The following MNX1 variants were observed in gnomAD, a reference collection of about 807,000 sequenced individuals.
MNX1 encodes motor neuron and pancreas homeobox 1, also known as motor neuron and pancreas homeobox protein 1.
In MNX1, 2 loss-of-function variants were observed where a neutral mutation model predicts 17.3. The ratio of observed to expected loss-of-function variants is 0.12; its 90% CI spans 0.05 to 0.36. MNX1 has a LOEUF of 0.36. Among genes scored for constraint, MNX1 ranks in the 10% least tolerant of loss-of-function variants. The probability of loss-of-function intolerance (pLI) is 1.00; values close to 1 mark genes in which losing one functional copy is unlikely to be tolerated. For synonymous variants in MNX1, 306 were observed against 283.1 expected, an observed-to-expected ratio of 1.08 and a Z score of -0.81; for missense variants, 556 against 564.7, an observed-to-expected ratio of 0.98 and a Z score of 0.16.
rs1805609093 is a variant in MNX1 at position 157,006,807 on chromosome 7, T to C, written c.692-168A>G. On this transcript the variant is annotated intron_variant, in intron 1 of 2. Coordinates refer to ENST00000252971, the MANE Select transcript of MNX1 (RefSeq NM_005515.4). The surrounding 1 kb of genome is among the most constrained non-coding windows in gnomAD (Gnocchi z 6.3). ...TGCCCACTCCCCAAGGAATGCGGAC[T>C]CAGGACCACCAAGTGGAAATGGATA... is the stretch of plus-strand genomic sequence containing the variant. 4.7e-6 allele frequency: 3 copies of C among 637,546 alleles called. No individual in the cohort carries two copies. Among genetic ancestry groups the C allele is most frequent in the Non-Finnish European group, 7.7e-6 (3 of 387,848 alleles). The allele number at this position is 637,546 out of a possible 1,614,324, so 39.5% of individuals were successfully genotyped here. A position where few individuals can be genotyped will look rare whatever the true frequency, so the allele number is the denominator to read the frequency against.
At chr7:157,008,758 C>T (rs1397321109) in intron 1 of MNX1, 5 of 579,264 alleles carry the variant, frequency 8.6e-6, no homozygotes, top group South Asian at 2.2e-5. Context: ...TATACATCTG[C>T]TCGGCCCGAC....
At chr7:157,008,866 G>A (rs1392220721) in intron 1 of MNX1, 3 of 913,424 alleles carry the variant, frequency 3.3e-6, no homozygotes, top group South Asian at 3.3e-5. Context: ...CGTGTGCCAG[G>A]AAAGCCTGAG....
chr7:157,009,386 ATCATTAGATC>A, intron 1 of MNX1: 7 of 1,418,910 alleles, frequency 4.9e-6, no homozygotes, highest in Non-Finnish European at 6.4e-6. Context: ...CTTCGGGTTA[ATCATTAGATC>A]TCAGTCTCAC....
Position 157,006,623 on chromosome 7 carries a change from G to A in MNX1, c.708C>T (p.Asn236=). ...MPDFNSQAQS[N]LLGKCRRPRT... ...GCGGCCGGCGGCACTTCCCCAGGAG[G>A]TTCGACTGCGCCTGGGCTGGGGACC... The change falls in exon 2 of 3, where the codon AAC becomes AAT. Residue 236 remains asparagine (N), a synonymous_variant. Transcript: ENST00000252971. The surrounding 1 kb of genome is among the most constrained non-coding windows in gnomAD (Gnocchi z 6.3). 1 of 1,597,254 alleles carries A rather than the reference G, an allele frequency of 6.3e-7. No individual in the cohort carries two copies. Among genetic ancestry groups the A allele is most frequent in the Non-Finnish European group, 8.5e-7 (1 of 1,173,598 alleles).
chr7:157,010,035 T>TGCCGCC lies in MNX1; in HGVS notation c.310_315dup (p.Gly104_Gly105dup), dbSNP rs757330807. On this transcript the variant is annotated inframe_insertion, in exon 1 of 3. Transcript: ENST00000252971. The stretch of plus-strand genomic sequence containing the variant: ...TGGGGCCCCCCGTGCCCGCCGCCCG[T>TGCCGCC]GCCGCCGCCGCCGCCGCCCGCGCCC... The TGCCGCC allele has an allele frequency of 8.2e-6, 8 of 970,892 alleles. No homozygotes were observed. Among genetic ancestry groups the TGCCGCC allele is most frequent in the East Asian group, 1.3e-4 (1 of 7,780 alleles). 60.1% of individuals were successfully genotyped at this position (970,892 alleles called of 1,614,324 possible).
At chr7:157,008,894 G>A in intron 1 of MNX1, 1 of 1,241,642 alleles carries the variant, frequency 8.1e-7, no homozygotes. Flanking sequence ...GGCCTCTGGC[G>A]AGGTGTCCCG....
rs1341243562 is a variant in MNX1 at position 157,010,171 on chromosome 7, G to A, written c.180C>T (p.Pro60=). Residue 60 remains proline (P), a synonymous_variant, in exon 1 of 3, where the codon CCC becomes CCT. Coordinates refer to ENST00000252971, the MANE Select transcript of MNX1 (RefSeq NM_005515.4). ...GCGCAGCCGGCGGCTCCGAGGACGC[G>A]GGGCTGCAGCTGCCGCTAGTCCCGC... ...ASGGTSGSCS[P]ASSEPPAAPA... 3 of 1,159,388 alleles carry A rather than the reference G, an allele frequency of 2.6e-6. No individual in the cohort carries two copies. Among genetic ancestry groups the A allele is most frequent in the Non-Finnish European group, 3.2e-6 (3 of 939,130 alleles). The allele number at this position is 1,159,388 out of a possible 1,614,324, so 71.8% of individuals were successfully genotyped here.
In MNX1 at chr7:157,010,377, G is replaced by A; in HGVS notation, c.-27C>T. 6.4e-7 allele frequency: 1 copy of A among 1,554,618 alleles called. No homozygotes were observed. ...GGCTCGTTTGGGGCTGGCGCTCAGGGCCCGGTGGCGGGCGACGCGGCCGTG... is the reference window on the plus strand; with the variant it reads ...GGCTCGTTTGGGGCTGGCGCTCAGGACCCGGTGGCGGGCGACGCGGCCGTG... On this transcript the variant is annotated 5_prime_UTR_variant, in exon 1 of 3. Transcript: ENST00000252971.
At chr7:157,009,595 G>C in intron 1 of MNX1, 65 bp downstream of exon 1, 1 of 1,574,982 alleles carries the variant, frequency 6.3e-7, no homozygotes, top group Non-Finnish European at 8.6e-7. Flanking sequence ...GGGGCAGGCG[G>C]TGCCGGTGGA....
At chr7:157,009,235 C>G in intron 1 of MNX1, 1 of 1,432,718 alleles carries the variant, frequency 7.0e-7, no homozygotes, top group Non-Finnish European at 9.1e-7. Flanking sequence ...CTGGAGGGGC[C>G]GCGGGTCTCT....
rs1441396812 is a variant in MNX1 at position 157,009,893 on chromosome 7, G to A, written c.458C>T (p.Pro153Leu). The change falls in exon 1 of 3, where the codon CCG becomes CTG. Residue 153 changes from proline to leucine, a missense_variant. Transcript: ENST00000252971. ...GTGGCCGTAGAGCGCCGCCTGCGCC[G>A]GGAGGCCCGCGCCGCCCTGCGCGCC... ...PGGAQGGAGL[P>L]AQAALYGHPV... 1.2e-5 allele frequency: 17 copies of A among 1,400,264 alleles called. No individual in the cohort carries two copies. The highest frequency in any genetic ancestry group is 5.9e-5 in the Admixed American group (2 of 33,912). The allele number at this position is 1,400,264 out of a possible 1,614,324, so 86.7% of individuals were successfully genotyped here. A position where few individuals can be genotyped will look rare whatever the true frequency, so the allele number is the denominator to read the frequency against.
intron 1 of MNX1, chr7:157,008,760 C>T (rs1452146674): frequency 3.4e-6 from 2 of 579,846 alleles, no homozygotes; most frequent in Non-Finnish European, 6.1e-6. Context: ...TACATCTGCT[C>T]GGCCCGACTC....
At chr7:157,008,909 G>A in intron 1 of MNX1, 1 of 1,387,330 alleles carries the variant, frequency 7.2e-7, no homozygotes, top group South Asian at 1.2e-5. Flanking sequence ...GTCCCGCCCG[G>A]ATGGAGAGGA....
chr7:157,010,420 A>T lies in MNX1; in HGVS notation c.-70T>A. Reference sequence around the variant, plus strand: ...CGGCCGTGTGCGGGCTCGCGGAGTCAGTGCGTGCGGTGCAAGCCCGGGGGC... The same window carrying T: ...CGGCCGTGTGCGGGCTCGCGGAGTCTGTGCGTGCGGTGCAAGCCCGGGGGC... On this transcript the variant is annotated 5_prime_UTR_variant, in exon 1 of 3. Coordinates refer to ENST00000252971, the MANE Select transcript of MNX1 (RefSeq NM_005515.4). The T allele has an allele frequency of 7.5e-7, 1 of 1,332,078 alleles. No individual in the cohort carries two copies. Among genetic ancestry groups the T allele is most frequent in the Non-Finnish European group, 1.0e-6 (1 of 961,348 alleles). The allele number at this position is 1,332,078 out of a possible 1,614,324, so 82.5% of individuals were successfully genotyped here.
At chr7:157,009,020 A>G (rs1389780672) in intron 1 of MNX1, 32 of 1,536,974 alleles carry the variant, frequency 2.1e-5, no homozygotes, top group Non-Finnish European at 2.7e-5. Context: ...CCAGGATTCC[A>G]GGGCAGGCAC....
intron 1 of MNX1, chr7:157,009,214 A>C (rs1398080562): frequency 6.9e-6 from 10 of 1,441,700 alleles, no homozygotes; most frequent in Admixed American, 2.6e-5. Flanking sequence ...CTCCTGAAGC[A>C]CTCCCTCTCC....
chr7:157,005,277 C>T lies in MNX1; in HGVS notation c.*243G>A, dbSNP rs1805568408. On this transcript the variant is annotated 3_prime_UTR_variant, in exon 3 of 3. Transcript: ENST00000252971. ...AAAGAACCAGAGTTCAAGTTTCAGCCCCCTGGGTCTCCCTCTCGCTGTTTC... is the reference window on the plus strand; with the variant it reads ...AAAGAACCAGAGTTCAAGTTTCAGCTCCCTGGGTCTCCCTCTCGCTGTTTC... 7.3e-6 allele frequency: 2 copies of T among 274,604 alleles called. No individual in the cohort carries two copies. Among genetic ancestry groups the T allele is most frequent in the Middle Eastern group, 1.0e-3 (1 of 968 alleles). The allele number at this position is 274,604 out of a possible 1,614,324, so 17.0% of individuals were successfully genotyped here.
rs121912547 is a variant in MNX1 at position 157,009,859 on chromosome 7, G to A, written c.492C>T (p.Tyr164=). 6 of 1,489,206 alleles carry A rather than the reference G, an allele frequency of 4.0e-6. No homozygotes were observed. Among genetic ancestry groups the A allele is most frequent in the East Asian group, 2.8e-5 (1 of 35,704 alleles). The allele number at this position is 1,489,206 out of a possible 1,614,324, so 92.2% of individuals were successfully genotyped here. Residue 164 remains tyrosine, a synonymous_variant, in exon 1 of 3, where the codon TAC becomes TAT. Transcript: ENST00000252971. The part of the protein sequence containing the change: ...AQAALYGHPV[Y]GYSAAAAAAA... ...CCGCCGCCGCCGCCGCGGAGTAGCC[G>A]TAGACCGGGTGGCCGTAGAGCGCCG...
Position 157,006,661 on chromosome 7 carries a change from G to A in MNX1, c.692-22C>T, listed in dbSNP as rs759124114. On this transcript the variant is annotated intron_variant, in intron 1 of 2. Transcript: ENST00000252971. This position sits in a 1 kb window ranked among gnomAD's most constrained non-coding sequence, Gnocchi z 6.3. ...TGGGCTGGGGACCAAAGGGCAGTGA[G>A]GCCCACAGCCGGCTCCGGTCCTCGC... The A allele has an allele frequency of 1.7e-5, 27 of 1,561,932 alleles. No homozygotes were observed. The highest frequency in any genetic ancestry group is 4.0e-4 in the Middle Eastern group (2 of 5,020).
Sources: gnomAD v4.1 joint callset for allele counts on GRCh38, gnomAD v4.1.1 for gene constraint, Gnocchi (gnomAD v3.1) non-coding constraint, MANE v1.5 for transcripts, NCBI Gene and HGNC (gene_info 2026-07-23, HGNC 2026-07-21) for gene names.